The following UNC13C variants were observed in gnomAD, a reference collection of about 807,000 sequenced individuals.
UNC13C encodes protein unc-13 homolog C.
In UNC13C, 174 loss-of-function variants were observed where a neutral mutation model predicts 245.4. The ratio of observed to expected loss-of-function variants is 0.71; its 90% CI spans 0.63 to 0.80. UNC13C has a LOEUF of 0.80. Among genes scored for constraint, UNC13C ranks in the 30% least tolerant of loss-of-function variants. The pLI is 0.00. For missense variants in UNC13C, 2,829 were observed against 2,602.9 expected, an observed-to-expected ratio of 1.09 and a Z score of -1.89; for synonymous variants, 992 against 895.1, an observed-to-expected ratio of 1.11 and a Z score of -1.93.
intron 4 of UNC13C, among the ~76,000 whole-genome samples, chr15:54,231,620 T>C (rs1046453976): frequency 6.6e-6 from 1 of 152,086 alleles, no homozygotes; most frequent in Non-Finnish European, 1.5e-5. Flanking sequence ...CTGTAAATGT[T>C]GGGTACAAAT....
At chr15:54,557,294 C>A (rs748418656) in intron 29 of UNC13C, among the ~76,000 whole-genome samples, 2 of 151,888 alleles carry the variant, frequency 1.3e-5, no homozygotes, top group Non-Finnish European at 1.5e-5. Context: ...CCAACTCTTT[C>A]TCTAGGCACC....
chr15:53,934,202 AG>A, the UNC13C span, among the ~76,000 whole-genome samples: 1 of 152,182 alleles, frequency 6.6e-6, no homozygotes, highest in Admixed American at 6.5e-5. Flanking sequence ...ACCATTGTTG[AG>A]AAATCTGCCC....
chr15:54,530,798 G>T (rs1393704489), intron 25 of UNC13C, among the ~76,000 whole-genome samples: 2 of 152,132 alleles, frequency 1.3e-5, no homozygotes, highest in Non-Finnish European at 2.9e-5. Flanking sequence ...CTGGTGCAAT[G>T]AAACAGAAGG....
At chr15:54,338,859 C>A (rs2038658127) in intron 17 of UNC13C, among the ~76,000 whole-genome samples, 2 of 152,022 alleles carry the variant, frequency 1.3e-5, no homozygotes, top group Admixed American at 1.3e-4. Context: ...CCTCCCATAT[C>A]ATTTTATTTT....
intron 25 of UNC13C, among the ~76,000 whole-genome samples, chr15:54,525,947 A>C (rs1028389820): frequency 6.6e-6 from 1 of 152,176 alleles, no homozygotes; most frequent in African/African-American, 2.4e-5. Flanking sequence ...ATGCAGTTCT[A>C]GTGTTTAGAG....
intron 17 of UNC13C, among the ~76,000 whole-genome samples, chr15:54,364,458 C>A (rs139078967): frequency 6.6e-6 from 1 of 152,186 alleles, no homozygotes; most frequent in Non-Finnish European, 1.5e-5. Flanking sequence ...CAAATCAATG[C>A]TCGTTTTTCT....
At chr15:54,341,639 A>G (rs1050631200) in intron 17 of UNC13C, among the ~76,000 whole-genome samples, 3 of 152,194 alleles carry the variant, frequency 2.0e-5, no homozygotes, top group Non-Finnish European at 4.4e-5. Flanking sequence ...TCAAACATGT[A>G]TATGCTTACT....
At chr15:54,314,740 G>C (rs1236693257) in intron 13 of UNC13C, among the ~76,000 whole-genome samples, 2 of 151,752 alleles carry the variant, frequency 1.3e-5, no homozygotes, top group African/African-American at 2.4e-5. Context: ...TTTTCATGCT[G>C]TTCATGATAG....
rs113306943 is a variant in UNC13C, at chr15:54,419,560, T to A, written c.4933+4493T>A. On this transcript the variant is annotated intron_variant, in intron 19 of 32. Transcript: ENST00000260323. ...GAATCAGGATATGGAGACTTACCTGTTTAGATATTTTTAATTAGTAGATGG... is the reference window on the plus strand; with the variant it reads ...GAATCAGGATATGGAGACTTACCTGATTAGATATTTTTAATTAGTAGATGG... Among the ~76,000 whole-genome samples, 520 of 152,206 alleles carry A rather than the reference T, an allele frequency of 3.4e-3. 1 individual carries two copies. The highest frequency in any genetic ancestry group is 0.012 in the African/African-American group (497 of 41,554).
intron 18 of UNC13C, among the ~76,000 whole-genome samples, chr15:54,412,451 G>A (rs2040435770): frequency 6.6e-6 from 1 of 152,154 alleles, no homozygotes; most frequent in Non-Finnish European, 1.5e-5. Flanking sequence ...ACAGTATGGA[G>A]GAAACTGCCC....
intron 24 of UNC13C, among the ~76,000 whole-genome samples, chr15:54,513,708 C>T (rs1162464335): frequency 6.6e-6 from 1 of 152,158 alleles, no homozygotes; most frequent in Non-Finnish European, 1.5e-5. Flanking sequence ...CTAAACTCCT[C>T]AGACACGATT....
chr15:54,504,849 C>G (rs985482425), intron 22 of UNC13C, among the ~76,000 whole-genome samples: 3 of 152,060 alleles, frequency 2.0e-5, no homozygotes, highest in African/African-American at 7.2e-5. Flanking sequence ...ATATTTAGCC[C>G]ACTCCTAACA....
At chr15:54,017,766 T>A (rs1022052914) in intron 2 of UNC13C, among the ~76,000 whole-genome samples, 4 of 152,160 alleles carry the variant, frequency 2.6e-5, no homozygotes, top group Non-Finnish European at 1.5e-5. Flanking sequence ...AATACACACA[T>A]GCTCTTGGTT....
intron 26 of UNC13C, among the ~76,000 whole-genome samples, chr15:54,534,077 G>C (rs181507279): frequency 6.6e-6 from 1 of 152,164 alleles, no homozygotes; most frequent in South Asian, 2.1e-4. Flanking sequence ...TCACCCCACT[G>C]TGCTGCTGCT....
At position 54,525,639 on chromosome 15, in the gene UNC13C, T is replaced by C; in HGVS notation, c.5546+2T>C. On this transcript the variant is annotated splice_donor_variant, in intron 25 of 32. Transcript: ENST00000260323. LOFTEE classifies it high-confidence loss of function. ...GCTCAGCGTCACTTATGGTGAAAGG[T>C]AAGTGGCCTCTGTTGTCATTATCTA... 1 of 1,610,326 alleles carries C rather than the reference T, an allele frequency of 6.2e-7. No homozygotes were observed. Among genetic ancestry groups the C allele is most frequent in the Non-Finnish European group, 8.5e-7 (1 of 1,178,082 alleles).
chr15:54,095,608 T>G (rs1899815326), intron 2 of UNC13C, among the ~76,000 whole-genome samples: 1 of 152,234 alleles, frequency 6.6e-6, no homozygotes, highest in African/African-American at 2.4e-5. Context: ...ATCTTAGGTC[T>G]CATCCCAGAC....
At chr15:54,360,986 C>A (rs1016513573) in intron 17 of UNC13C, among the ~76,000 whole-genome samples, 2 of 152,058 alleles carry the variant, frequency 1.3e-5, no homozygotes, top group Non-Finnish European at 2.9e-5. Flanking sequence ...TTTCTTGTAC[C>A]TGAATGCTGT....
chr15:54,417,572 T>G (rs77490584), intron 19 of UNC13C, among the ~76,000 whole-genome samples: 1 of 152,128 alleles, frequency 6.6e-6, no homozygotes, highest in Non-Finnish European at 1.5e-5. Flanking sequence ...TCTGCATAAC[T>G]GTATTTTCCA....
chr15:54,220,545 A>G (rs1000016468), intron 4 of UNC13C, among the ~76,000 whole-genome samples: 3 of 151,864 alleles, frequency 2.0e-5, no homozygotes, highest in Admixed American at 6.6e-5. Flanking sequence ...ATGTATACAT[A>G]TGTAACTAAC....
Sources: gnomAD v4.1 joint callset for allele counts (sites outside exome capture counted in the v4.1 genomes callset) on GRCh38, gnomAD v4.1.1 for gene constraint, MANE v1.5 for transcripts, NCBI Gene and HGNC (gene_info 2026-07-23, HGNC 2026-07-21) for gene names.